The following MCTP1 variants were observed in gnomAD, a reference collection of about 807,000 sequenced individuals.
MCTP1 encodes the protein multiple C2 and transmembrane domain containing 1.
In MCTP1, 69 loss-of-function variants were observed where a neutral mutation model predicts 120.6. The observed-to-expected ratio is 0.57, with a 90% CI of 0.47 to 0.70. The LOEUF (loss-of-function observed/expected upper bound fraction) is 0.70. MCTP1 is among the 30% of genes least tolerant of loss of function. The pLI is 0.00. For missense variants in MCTP1, 1,203 were observed against 1,248.8 expected (o/e 0.96, Z 0.55); for synonymous variants, 529 against 493.1 (o/e 1.07, Z -0.96).
chr5:94,944,082 A>G (rs2153512950), intron 3 of MCTP1, among the ~76,000 whole-genome samples: 1 of 152,190 alleles, frequency 6.6e-6, no homozygotes, highest in East Asian at 1.9e-4. Context: ...GTGTACTTCA[A>G]TTTAAGAAAA....
intron 17 of MCTP1, among the ~76,000 whole-genome samples, chr5:94,819,304 T>A (rs1785156651): frequency 6.6e-6 from 1 of 152,016 alleles, no homozygotes; most frequent in Admixed American, 6.6e-5. Flanking sequence ...TACTTTTTTG[T>A]ATTTTTAGTA....
At chr5:94,761,248 G>A (rs1771270806) in intron 19 of MCTP1, among the ~76,000 whole-genome samples, 1 of 152,144 alleles carries the variant, frequency 6.6e-6, no homozygotes, top group African/African-American at 2.4e-5. Flanking sequence ...TATCAAAGGA[G>A]GGCAATGGAT....
chr5:95,183,199 T>G (rs745919337), intron 1 of MCTP1, among the ~76,000 whole-genome samples: 1 of 152,018 alleles, frequency 6.6e-6, no homozygotes, highest in African/African-American at 2.4e-5. Flanking sequence ...GAGAAATGGA[T>G]AGTGGTCTCA....
chr5:94,940,255 T>G (rs1817247678), intron 4 of MCTP1, 60 bp from the exon 5 acceptor site: 2 of 884,336 alleles, frequency 2.3e-6, no homozygotes, highest in Non-Finnish European at 3.4e-6. Flanking sequence ...AAATATATTT[T>G]TATTAATGCT....
chr5:95,009,054 GAA>G (rs1307444503), intron 2 of MCTP1, among the ~76,000 whole-genome samples: 6 of 97,818 alleles, frequency 6.1e-5, no homozygotes, highest in Admixed American at 1.2e-4. Flanking sequence ...GAGAGAGGGA[GAA>G]AGAGAGAGAG....
chr5:94,755,907 G>A (rs17331350), intron 19 of MCTP1, among the ~76,000 whole-genome samples: 5,046 of 152,090 alleles, frequency 0.033, 118 homozygotes, highest in Admixed American at 0.075. Flanking sequence ...TACCTTATTC[G>A]ATGTCCTGGT....
intron 1 of MCTP1, among the ~76,000 whole-genome samples, chr5:95,170,753 T>C (rs181397509): frequency 9.2e-5 from 14 of 152,276 alleles, no homozygotes; most frequent in Non-Finnish European, 1.0e-4. Flanking sequence ...TTTTGTTTTC[T>C]ATTTGCTTGG....
intron 1 of MCTP1, among the ~76,000 whole-genome samples, chr5:95,231,575 T>C (rs1390884206): frequency 6.6e-6 from 1 of 152,146 alleles, no homozygotes; most frequent in Non-Finnish European, 1.5e-5. Context: ...CTGCCATGAG[T>C]GATTCTATAC....
chr5:95,212,003 A>G (rs1046891481), intron 1 of MCTP1, among the ~76,000 whole-genome samples: 5 of 152,218 alleles, frequency 3.3e-5, no homozygotes, highest in South Asian at 4.1e-4. Context: ...AGAAGGCAAG[A>G]AATAACCAAA....
chr5:95,108,049 C>A (rs1455929252), intron 1 of MCTP1, among the ~76,000 whole-genome samples: 1 of 152,154 alleles, frequency 6.6e-6, no homozygotes, highest in Non-Finnish European at 1.5e-5. Context: ...AATGTGGTTA[C>A]ATCAAGGTGC....
At chr5:95,216,759 A>G (rs1420263883) in intron 1 of MCTP1, among the ~76,000 whole-genome samples, 6 of 152,232 alleles carry the variant, frequency 3.9e-5, no homozygotes, top group Non-Finnish European at 7.3e-5. Flanking sequence ...CTGATGGATA[A>G]TCTGGCAACA....
At chr5:95,005,008 G>T (rs1300621108) in intron 2 of MCTP1, among the ~76,000 whole-genome samples, 1 of 152,210 alleles carries the variant, frequency 6.6e-6, no homozygotes, top group African/African-American at 2.4e-5. Flanking sequence ...CCACTGCGGG[G>T]TCTGTACCCT....
At chr5:94,929,138 C>G (rs1358993098) in intron 6 of MCTP1, among the ~76,000 whole-genome samples, 1 of 152,054 alleles carries the variant, frequency 6.6e-6, no homozygotes, top group South Asian at 2.1e-4. Flanking sequence ...TTTAAAAGAA[C>G]AACAACCGAG....
chr5:95,246,607 G>T (rs1756818377), intron 1 of MCTP1, among the ~76,000 whole-genome samples: 1 of 152,170 alleles, frequency 6.6e-6, no homozygotes, highest in South Asian at 2.1e-4. Context: ...AACAAGAAGA[G>T]CTAACTATCC....
At chr5:95,129,055 C>T (rs1758838163) in intron 1 of MCTP1, among the ~76,000 whole-genome samples, 1 of 152,076 alleles carries the variant, frequency 6.6e-6, no homozygotes, top group African/African-American at 2.4e-5. Context: ...TATAATTGCT[C>T]AGGTTTAATT....
intron 1 of MCTP1, among the ~76,000 whole-genome samples, chr5:95,087,979 G>A (rs1022601246): frequency 1.2e-4 from 19 of 152,218 alleles, no homozygotes; most frequent in African/African-American, 4.3e-4. Flanking sequence ...TGCTCCCCAT[G>A]TAGTCTGCCT....
intron 9 of MCTP1, among the ~76,000 whole-genome samples, chr5:94,909,775 A>G (rs73776949): frequency 0.11 from 16,305 of 152,116 alleles, 1,119 homozygotes; most frequent in African/African-American, 0.2. Context: ...ATAAAGGAGA[A>G]TGAGGATTTT....
chr5:94,894,679 C>T lies in MCTP1; in HGVS notation c.1809G>A (p.Gln603=), dbSNP rs1267305882. The part of the protein sequence containing the change: ...SDLSVNSLED[Q]KEREEILKRY... ...TCTTTAATATCTCCTCTCGTTCCTT[C>T]TGGTCCTCCAGGGAGTTGACAGACA... is the stretch of plus-strand genomic sequence containing the variant. Residue 603 remains glutamine, a synonymous_variant, in exon 11 of 23, where the codon CAG becomes CAA. Transcript: ENST00000515393. The T allele has an allele frequency of 1.9e-6, 3 of 1,611,378 alleles. No homozygotes were observed. Among genetic ancestry groups the T allele is most frequent in the Admixed American group, 1.7e-5 (1 of 59,946 alleles).
At chr5:94,751,298 A>C (rs535944050) in intron 19 of MCTP1, among the ~76,000 whole-genome samples, 1 of 151,944 alleles carries the variant, frequency 6.6e-6, no homozygotes, top group African/African-American at 2.4e-5. Flanking sequence ...TAATATTGCA[A>C]ATTATAGTTT....
Sources: gnomAD v4.1 joint callset for allele counts (sites outside exome capture counted in the v4.1 genomes callset) on GRCh38, gnomAD v4.1.1 for gene constraint, MANE v1.5 for transcripts, NCBI Gene and HGNC (gene_info 2026-07-23, HGNC 2026-07-21) for gene names.